The following TG variants were observed in gnomAD, a reference collection of about 807,000 sequenced individuals.
TG encodes the protein thyroid hormones.
Under a neutral mutation model 324.7 loss-of-function variants are expected in TG, and 270 were observed. That is an observed-to-expected ratio of 0.83 (90% CI 0.75 to 0.92). The LOEUF is 0.92. Ranked by LOEUF, TG falls within the 40% of genes least tolerant of loss-of-function variation. The pLI is 0.00. For synonymous variants in TG, 1,401 were observed against 1,327.0 expected (o/e 1.06, Z -1.21); for missense variants, 3,591 against 3,456.4 (o/e 1.04, Z -0.98).
chr8:133,050,398 C>A, intron 41 of TG: 1 of 269,104 alleles, frequency 3.7e-6, no homozygotes, highest in East Asian at 8.2e-5. Context: ...TGTTCTATAG[C>A]CCATATTGAA....
At chr8:133,061,422 A>G (rs1233727797) in intron 41 of TG, among the ~76,000 whole-genome samples, 2 of 152,008 alleles carry the variant, frequency 1.3e-5, no homozygotes, top group African/African-American at 4.8e-5. Context: ...GTGGCGTGGC[A>G]TAGAATACAT....
intron 22 of TG, among the ~76,000 whole-genome samples, chr8:132,926,429 AAGCACCATT>A (rs1320057703): frequency 6.6e-6 from 1 of 152,164 alleles, no homozygotes; most frequent in Admixed American, 6.5e-5. Flanking sequence ...TCTTGGGATA[AAGCACCATT>A]TGCAGTATCC....
chr8:133,129,779 G>A (rs1851809617), intron 45 of TG, among the ~76,000 whole-genome samples: 1 of 152,180 alleles, frequency 6.6e-6, no homozygotes, highest in African/African-American at 2.4e-5. Context: ...TTATAGCCAT[G>A]AGCCATCACG....
intron 16 of TG, 117 bp from the exon 17 acceptor site, chr8:132,906,571 G>A: frequency 8.4e-7 from 1 of 1,193,456 alleles, no homozygotes; most frequent in Non-Finnish European, 1.2e-6. Flanking sequence ...ACAGGTCCAG[G>A]GAAGGGGAGA....
chr8:133,056,944 C>T (rs1020659888), intron 41 of TG, among the ~76,000 whole-genome samples: 1 of 152,148 alleles, frequency 6.6e-6, no homozygotes, highest in South Asian at 2.1e-4. Flanking sequence ...GGTTCTGATT[C>T]GTGGGCCTGG....
At chr8:133,050,058 G>A (rs1196226626) in intron 41 of TG, 3 of 1,002,900 alleles carry the variant, frequency 3.0e-6, no homozygotes, top group Non-Finnish European at 1.6e-6. Flanking sequence ...AATGAACAGA[G>A]TAATCAGATT....
At chr8:133,102,676 T>C (rs1444233285) in intron 43 of TG, 1 of 977,922 alleles carries the variant, frequency 1.0e-6, no homozygotes, top group Non-Finnish European at 1.6e-6. Context: ...CTCCCCCTTT[T>C]CTCTTTCTTT....
At chr8:132,952,078 G>T (rs1826187659) in intron 27 of TG, among the ~76,000 whole-genome samples, 1 of 152,190 alleles carries the variant, frequency 6.6e-6, no homozygotes, top group Non-Finnish European at 1.5e-5. Flanking sequence ...TGGTTGTGAA[G>T]ACAGACTCTG....
chr8:133,022,852 C>T (rs553107956), intron 40 of TG, among the ~76,000 whole-genome samples: 1 of 152,212 alleles, frequency 6.6e-6, no homozygotes, highest in South Asian at 2.1e-4. Flanking sequence ...AGCCCAGGGC[C>T]ACCTCCGGCT....
Position 132,923,346 on chromosome 8 carries a change from G to A in TG, c.4537G>A (p.Asp1513Asn). Residue 1513 changes from aspartate to asparagine, a missense_variant, in exon 22 of 48, where the codon GAC (aspartate) becomes AAC (asparagine). By Grantham distance (23) the Asp-to-Asn change is conservative. Coordinates refer to ENST00000220616, the MANE Select transcript of TG (RefSeq NM_003235.5). Reference protein sequence around the residue: ...GAFSQTHCVTDCQRNEAGLQC... With the variant: ...GAFSQTHCVTNCQRNEAGLQC... The stretch of plus-strand genomic sequence containing the variant: ...CAATCTATTGGTTCTAGGTGTCACT[G>A]ACTGTCAGAGGAACGAAGCAGGCCT... The A allele has an allele frequency of 6.2e-7, 1 of 1,614,126 alleles. No homozygotes were observed. The highest frequency in any genetic ancestry group is 8.5e-7 in the Non-Finnish European group (1 of 1,180,050).
intron 10 of TG, among the ~76,000 whole-genome samples, chr8:132,893,216 TG>T (rs1816541062): frequency 9.0e-6 from 1 of 110,670 alleles, no homozygotes; most frequent in African/African-American, 3.5e-5. Context: ...TATGTGTGTG[TG>T]GTGTGTATAT....
At chr8:132,940,232 C>A (rs1225952616) in intron 25 of TG, among the ~76,000 whole-genome samples, 3 of 152,150 alleles carry the variant, frequency 2.0e-5, no homozygotes, top group South Asian at 4.2e-4. Flanking sequence ...TGGTGAAGGG[C>A]ACAGGCCCTG....
chr8:132,933,746 G>C, intron 24 of TG, 70 bp downstream of exon 24: 1 of 1,418,796 alleles, frequency 7.0e-7, no homozygotes, highest in Non-Finnish European at 1.0e-6. Context: ...TGAGGAGCGG[G>C]CAGCAGGCTG....
chr8:133,055,363 GCGCACACACACACACA>G (rs1166696738), intron 41 of TG, among the ~76,000 whole-genome samples: 41 of 32,020 alleles, frequency 1.3e-3, no homozygotes, highest in Middle Eastern at 0.019. Flanking sequence ...ACACGCACGC[GCGCACACACACACACA>G]CACACACACA....
At chr8:132,896,793 G>A (rs1817176856) in intron 11 of TG, among the ~76,000 whole-genome samples, 1 of 152,142 alleles carries the variant, frequency 6.6e-6, no homozygotes, top group East Asian at 1.9e-4. Flanking sequence ...ACAAATCTCT[G>A]CACCAAAGAG....
At chr8:132,968,296 A>G (rs903162673) in intron 31 of TG, among the ~76,000 whole-genome samples, 2 of 152,196 alleles carry the variant, frequency 1.3e-5, no homozygotes, top group Non-Finnish European at 2.9e-5. Context: ...AAAGTTATTC[A>G]TGTTCCTTGT....
chr8:133,125,268 A>G (rs985090657), intron 45 of TG, among the ~76,000 whole-genome samples: 2 of 152,200 alleles, frequency 1.3e-5, no homozygotes, highest in Admixed American at 6.5e-5. Context: ...ACACACATCA[A>G]TATGCAGCAT....
At chr8:132,932,129 G>T (rs1268873921) in intron 23 of TG, among the ~76,000 whole-genome samples, 2 of 151,812 alleles carry the variant, frequency 1.3e-5, no homozygotes, top group African/African-American at 4.8e-5. Context: ...TTTTTTGGGG[G>T]GGGTGTTCTG....
At chr8:133,073,651 A>C (rs1844413661) in intron 41 of TG, among the ~76,000 whole-genome samples, 1 of 152,336 alleles carries the variant, frequency 6.6e-6, no homozygotes, top group Non-Finnish European at 1.5e-5. Context: ...ATAGACTTGC[A>C]GCTCAGCATC....
Sources: allele counts gnomAD v4.1 joint callset (sites outside exome capture counted in the v4.1 genomes callset), GRCh38; gene constraint gnomAD v4.1.1; transcripts MANE v1.5; gene names NCBI Gene and HGNC (gene_info 2026-07-23, HGNC 2026-07-21).